RYR1: variants seen among roughly 807,000 people sequenced by gnomAD.
RYR1 encodes the protein central core disease of muscle.
A neutral mutation model predicts 583.5 loss-of-function variants in RYR1; 342 were observed. The ratio of observed to expected loss-of-function variants is 0.59; its 90% CI spans 0.54 to 0.64. The LOEUF is 0.64. Ranked by LOEUF, RYR1 falls within the 30% of genes least tolerant of loss-of-function variation. RYR1 has a pLI of 0.00. For missense variants in RYR1, 6,032 were observed against 6,917.2 expected, an observed-to-expected ratio of 0.87 and a Z score of 4.54; for synonymous variants, 2,791 against 2,822.5, an observed-to-expected ratio of 0.99 and a Z score of 0.35.
intron 89 of RYR1, among the ~76,000 whole-genome samples, chr19:38,558,136 T>C (rs749856797): frequency 4.0e-4 from 60 of 151,088 alleles, no homozygotes; most frequent in Non-Finnish European, 8.0e-4. Context: ...TAATGAGACC[T>C]TGTCTCTACA....
In RYR1 at chr19:38,443,395, G is replaced by A. The variant is rs547019916; in HGVS notation, c.271-163G>A. 8.5e-5 allele frequency among the ~76,000 whole-genome samples: 13 copies of A among 152,292 alleles called. No individual in the cohort carries two copies. In the East Asian group the frequency reaches 2.5e-3, roughly 29 times the overall value. ...CTGCTTCCGTGAATGGGGAAACTGA[G>A]GCAGAGAGTCCTGCAGGAGTCTGAG... On this transcript the variant is annotated intron_variant, in intron 3 of 105. Coordinates refer to ENST00000359596, the MANE Select transcript of RYR1 (RefSeq NM_000540.3).
chr19:38,527,508 TCAAAA>T (rs1303237652), intron 72 of RYR1, 134 bp from the exon 73 acceptor site: 5 of 1,192,464 alleles, frequency 4.2e-6, no homozygotes, highest in Non-Finnish European at 1.2e-6. Flanking sequence ...AGGCTCCGTC[TCAAAA>T]CAAAAAGATG....
chr19:38,466,023 C>T, intron 23 of RYR1, 68 bp from the exon 24 acceptor site: 1 of 1,442,798 alleles, frequency 6.9e-7, no homozygotes, highest in South Asian at 1.2e-5. Context: ...AGTCAGGGAT[C>T]CCATATAGTG....
Position 38,483,353 on chromosome 19 carries a change from C to T in RYR1, c.4771C>T (p.Pro1591Ser), listed in dbSNP as rs1397836567. 1 of 1,561,468 alleles carries T rather than the reference C, an allele frequency of 6.4e-7. No homozygotes were observed. Among genetic ancestry groups the T allele is most frequent in the Non-Finnish European group, 8.7e-7 (1 of 1,152,964 alleles). The change falls in exon 33 of 106, where the codon CCA becomes TCA. Residue 1591 changes from proline (P) to serine (S), a missense_variant. This residue lies in a region of RYR1 where 2,627 missense variants were observed against 2,961.3 expected (regional missense o/e 0.89). Transcript: ENST00000359596. This position sits in a 1 kb window ranked among gnomAD's most constrained non-coding sequence, Gnocchi z 6.3. ...GCGCAAGAACCCGGCCCCGCAGTGC[C>T]CACCGCGGCTGGAGATGCAGATGCT... ...SERKNPAPQC[P>S]PRLEMQMLMP...
Position 38,584,934 on chromosome 19 carries a change from C to T in RYR1, c.14647-9C>T, listed in dbSNP as rs1482129515. On this transcript the variant is annotated splice_polypyrimidine_tract_variant and intron_variant, in intron 101 of 105. Coordinates refer to ENST00000359596, the MANE Select transcript of RYR1 (RefSeq NM_000540.3). ...ATGAATGAGTGACCAGTGTGCTCCCCTCCCTCAGTGTTACCTGTTTCACAT... is the reference window on the plus strand; with the variant it reads ...ATGAATGAGTGACCAGTGTGCTCCCTTCCCTCAGTGTTACCTGTTTCACAT... 1 of 1,613,814 alleles carries T rather than the reference C, an allele frequency of 6.2e-7. No homozygotes were observed. Among genetic ancestry groups the T allele is most frequent in the Admixed American group, 1.7e-5 (1 of 59,980 alleles).
At chr19:38,581,454 A>G (rs1974204750) in intron 101 of RYR1, among the ~76,000 whole-genome samples, 1 of 152,102 alleles carries the variant, frequency 6.6e-6, no homozygotes, top group Non-Finnish European at 1.5e-5. Context: ...TGCCGTCGTG[A>G]TCTGCCCACC....
At chr19:38,577,497 G>A (rs1309486440) in intron 97 of RYR1, among the ~76,000 whole-genome samples, 1 of 151,988 alleles carries the variant, frequency 6.6e-6, no homozygotes, top group Non-Finnish European at 1.5e-5. Flanking sequence ...GATAAATGCT[G>A]TAGAAAAAAA....
At chr19:38,503,152 T>C (rs964217139) in intron 49 of RYR1, among the ~76,000 whole-genome samples, 182 bp downstream of exon 49, 3 of 152,176 alleles carry the variant, frequency 2.0e-5, no homozygotes, top group Non-Finnish European at 4.4e-5. Flanking sequence ...TCCCAGAACA[T>C]TCACTTTGCT....
chr19:38,506,579 C>G (rs769684586), intron 56 of RYR1, 33 bp downstream of exon 56: 4 of 1,610,360 alleles, frequency 2.5e-6, no homozygotes, highest in Non-Finnish European at 3.4e-6. Context: ...CACGCTACCC[C>G]CGTGGATTCA....
chr19:38,515,139 G>A, intron 64 of RYR1, 32 bp downstream of exon 64: 1 of 1,426,038 alleles, frequency 7.0e-7, no homozygotes, highest in Non-Finnish European at 9.9e-7. Context: ...TTGGGGCTGG[G>A]TGGGGCTGGA....
chr19:38,546,634 G>GA, intron 88 of RYR1, 108 bp downstream of exon 88: 2 of 867,550 alleles, frequency 2.3e-6, no homozygotes, highest in Non-Finnish European at 3.9e-6. Context: ...ATCTGACATC[G>GA]TGTCAGGATC....
chr19:38,466,489 A>G (rs555808578), intron 24 of RYR1, 91 bp downstream of exon 24: 6 of 1,207,628 alleles, frequency 5.0e-6, no homozygotes, highest in South Asian at 4.0e-5. Flanking sequence ...TCAGCCCCCA[A>G]ATGGGCTATA....
In RYR1 at chr19:38,549,958, G is replaced by A. The variant is rs907031113; in HGVS notation, c.12282+1538G>A. Reference sequence around the variant, plus strand: ...TTTAGTAGAGATGGGATTTCACCATGTTGGCCAGGCTGGTCTTGAACTCCT... The same window carrying A: ...TTTAGTAGAGATGGGATTTCACCATATTGGCCAGGCTGGTCTTGAACTCCT... On this transcript the variant is annotated intron_variant, in intron 89 of 105. Transcript: ENST00000359596. Among the ~76,000 whole-genome samples the A allele has an allele frequency of 2.0e-5, 3 of 149,958 alleles. No individual in the cohort carries two copies. The East Asian group carries it at 5.9e-4, about 30-fold the overall frequency.
Position 38,466,280 on chromosome 19 carries a change from G to A in RYR1, c.3060G>A (p.Leu1020=). The change falls in exon 24 of 106, where the codon CTG becomes CTA. Residue 1020 remains leucine, a synonymous_variant. Transcript: ENST00000359596. ...TCCCAGCGCGCCGAAACCCTCGGCT[G>A]GTGCCCTACCGCCTGCTGGATGAAG... ...QDIPARRNPR[L]VPYRLLDEAT... is the part of the protein sequence containing the mutation. 2.5e-6 allele frequency: 4 copies of A among 1,612,672 alleles called. No homozygotes were observed. The highest frequency in any genetic ancestry group is 3.4e-6 in the Non-Finnish European group (4 of 1,179,790).
At chr19:38,458,518 C>A (rs1008135695) in intron 18 of RYR1, among the ~76,000 whole-genome samples, 2 of 152,168 alleles carry the variant, frequency 1.3e-5, no homozygotes, top group African/African-American at 4.8e-5. Context: ...GTAGGTGTGA[C>A]CTCTGACCCT....
At position 38,496,335 on chromosome 19, in the gene RYR1, G is replaced by A; in HGVS notation, c.6663+6G>A. ...TCGGGGGCGGCGAGTCCAAGGTGAG[G>A]GCCCAGGCAGGTGCTGGGGAGCTCA... On this transcript the variant is annotated splice_donor_region_variant and intron_variant, in intron 40 of 105. Transcript: ENST00000359596. The surrounding 1 kb of genome is among the most constrained non-coding windows in gnomAD (Gnocchi z 4.8). 6.2e-7 allele frequency: 1 copy of A among 1,613,888 alleles called. No homozygotes were observed. The highest frequency in any genetic ancestry group is 8.5e-7 in the Non-Finnish European group (1 of 1,180,018).
chr19:38,560,357 C>A (rs1366779653), intron 89 of RYR1, among the ~76,000 whole-genome samples: 1 of 149,056 alleles, frequency 6.7e-6, no homozygotes, highest in African/African-American at 2.5e-5. Flanking sequence ...AAGAGTGAGA[C>A]CCTGTCTCAG....
chr19:38,492,758 T>A lies in RYR1; in HGVS notation c.6274+122T>A, dbSNP rs185692825. 3.7e-5 allele frequency: 40 copies of A among 1,067,812 alleles called. No individual in the cohort carries two copies. In the Admixed American group the frequency reaches 4.1e-4, roughly 11 times the overall value. 66.1% of individuals were successfully genotyped at this position (1,067,812 alleles called of 1,614,324 possible). The stretch of plus-strand genomic sequence containing the variant: ...CAAGGGAGGGGTAGATAGGCAGGAG[T>A]GAGAGGGGAAGAGTGGCGGGCAAAG... On this transcript the variant is annotated intron_variant, in intron 38 of 105. Transcript: ENST00000359596.
chr19:38,585,821 AG>A (rs1476755495), intron 102 of RYR1, 116 bp from the exon 103 acceptor site: 1 of 1,211,054 alleles, frequency 8.3e-7, no homozygotes, highest in East Asian at 2.3e-5. Context: ...AAGCGAGATT[AG>A]GGGTGAGATT....
Sources: allele counts gnomAD v4.1 joint callset (sites outside exome capture counted in the v4.1 genomes callset), GRCh38; gene constraint gnomAD v4.1.1; regional missense constraint gnomAD v4.1.1; non-coding constraint Gnocchi (gnomAD v3.1); transcripts MANE v1.5; gene names NCBI Gene and HGNC (gene_info 2026-07-23, HGNC 2026-07-21).